GYPE: variants seen among roughly 807,000 people sequenced by gnomAD.
GYPE encodes the protein glycophorin E (MNS blood group), also known as glycophorin-E.
A neutral mutation model predicts 11.6 loss-of-function variants in GYPE; 8 were observed. That is an observed-to-expected ratio of 0.69 (90% CI 0.41 to 1.25). The LOEUF (loss-of-function observed/expected upper bound fraction) is 1.25, where lower values mean the gene tolerates loss of function less well. Ranked by LOEUF, GYPE falls within the 50% of genes most tolerant of loss-of-function variation. GYPE has a pLI of 0.01. For synonymous variants in GYPE, 28 were observed against 29.6 expected (o/e 0.94, Z 0.18); for missense variants, 90 against 92.8 (o/e 0.97, Z 0.12).
intron 1 of GYPE, among the ~76,000 whole-genome samples, chr4:143,889,903 C>A (rs1744340310): frequency 6.6e-6 from 1 of 152,140 alleles, no homozygotes; most frequent in Non-Finnish European, 1.5e-5. Flanking sequence ...ACACAGCAGC[C>A]AAGTGGCAGA....
intron 1 of GYPE, among the ~76,000 whole-genome samples, chr4:143,882,983 G>GTT (rs2149907622): frequency 6.6e-6 from 1 of 152,266 alleles, no homozygotes; most frequent in African/African-American, 2.4e-5. Flanking sequence ...AATTAGGTGA[G>GTT]TGGTATGGTT....
chr4:143,875,737 G>A (rs1046016461), intron 3 of GYPE, among the ~76,000 whole-genome samples: 1 of 152,080 alleles, frequency 6.6e-6, no homozygotes, highest in Non-Finnish European at 1.5e-5. Context: ...TGGAGGCCAA[G>A]GCAGGTGGAT....
intron 1 of GYPE, among the ~76,000 whole-genome samples, chr4:143,901,966 T>C (rs183812177): frequency 2.4e-4 from 36 of 152,226 alleles, no homozygotes; most frequent in African/African-American, 8.7e-4. Context: ...ATCTATAGAT[T>C]TGGCAACTAG....
At chr4:143,896,185 C>G (rs1281034936) in intron 1 of GYPE, among the ~76,000 whole-genome samples, 2 of 152,060 alleles carry the variant, frequency 1.3e-5, no homozygotes, top group African/African-American at 4.8e-5. Context: ...AGAGCTTCTG[C>G]ACAGCAAAAG....
rs2149901907 is a variant in GYPE at position 143,871,484 on chromosome 4, A to G, written c.*778T>C. Reference sequence around the variant, plus strand: ...TGGGGCCAGATCTCTTTGCAGGGCTATGTTAGGCTTTACACAATGTGACCC... The same window carrying G: ...TGGGGCCAGATCTCTTTGCAGGGCTGTGTTAGGCTTTACACAATGTGACCC... On this transcript the variant is annotated 3_prime_UTR_variant, in exon 4 of 4. Transcript: ENST00000358615. 1 of 152,278 alleles carries G rather than the reference A, an allele frequency of 6.6e-6. No homozygotes were observed. Among genetic ancestry groups the G allele is most frequent in the South Asian group, 2.1e-4 (1 of 4,814 alleles). 9.4% of individuals were successfully genotyped at this position (152,278 alleles called of 1,614,324 possible).
intron 1 of GYPE, among the ~76,000 whole-genome samples, chr4:143,894,359 G>A (rs1456033673): frequency 6.6e-6 from 1 of 152,140 alleles, no homozygotes; most frequent in African/African-American, 2.4e-5. Flanking sequence ...GAGAGGAACT[G>A]TGTTCCTTTG....
rs1472617031 is a variant in GYPE at position 143,871,229 on chromosome 4, A to C, written c.*1033T>G. 1 of 152,148 alleles carries C rather than the reference A, an allele frequency of 6.6e-6. No individual in the cohort carries two copies. Among genetic ancestry groups the C allele is most frequent in the African/African-American group, 2.4e-5 (1 of 41,436 alleles). The allele number at this position is 152,148 out of a possible 1,614,324, so 9.4% of individuals were successfully genotyped here. Reference sequence around the variant, plus strand: ...ACATATTGAGTGATTTCTCTCTTCTATTCAGTATTCTTCCACAGAGAGGGA... The same window carrying C: ...ACATATTGAGTGATTTCTCTCTTCTCTTCAGTATTCTTCCACAGAGAGGGA... On this transcript the variant is annotated 3_prime_UTR_variant, in exon 4 of 4. Coordinates refer to ENST00000358615, the MANE Select transcript of GYPE (RefSeq NM_198682.3).
chr4:143,883,053 A>G (rs1034800220), intron 1 of GYPE, among the ~76,000 whole-genome samples: 56 of 152,178 alleles, frequency 3.7e-4, no homozygotes, highest in African/African-American at 1.3e-3. Context: ...TTGGAGGTGG[A>G]GCCTGGTGGG....
At chr4:143,877,110 G>A (rs1298913163) in intron 2 of GYPE, among the ~76,000 whole-genome samples, 2 of 152,136 alleles carry the variant, frequency 1.3e-5, no homozygotes, top group East Asian at 1.9e-4. Flanking sequence ...TAAGACCTGA[G>A]GCTTCTGATT....
chr4:143,877,671 T>C (rs895269629), intron 2 of GYPE, among the ~76,000 whole-genome samples: 1 of 152,154 alleles, frequency 6.6e-6, no homozygotes, highest in African/African-American at 2.4e-5. Context: ...GCATTTCCTC[T>C]TGCTGGTGTT....
At chr4:143,892,381 A>T (rs1157370350) in intron 1 of GYPE, among the ~76,000 whole-genome samples, 38 of 149,462 alleles carry the variant, frequency 2.5e-4, no homozygotes, top group Admixed American at 2.5e-3. Flanking sequence ...TTGCTTTTCT[A>T]GTTCTTTTAA....
In GYPE at chr4:143,900,737, G is replaced by A. The variant is rs185134360; in HGVS notation, c.37+4734C>T. Among the ~76,000 whole-genome samples, 32 of 152,226 alleles carry A rather than the reference G, an allele frequency of 2.1e-4. 1 individual carries two copies. The East Asian group carries it at 4.8e-3, about 23-fold the overall frequency. ...AAGTGAAAGAAGCCATACACAAAAG[G>A]CTACCTATTATATGATTCCATTTAT... is the stretch of plus-strand genomic sequence containing the variant. On this transcript the variant is annotated intron_variant, in intron 1 of 3. Coordinates refer to ENST00000358615, the MANE Select transcript of GYPE (RefSeq NM_198682.3).
In GYPE at chr4:143,904,115, T is replaced by C. The variant is rs182233362; in HGVS notation, c.37+1356A>G. Among the ~76,000 whole-genome samples the C allele has an allele frequency of 6.5e-3, 995 of 152,194 alleles. 17 individuals are homozygous for C. The highest frequency in any genetic ancestry group is 0.023 in the African/African-American group (947 of 41,532). ...TAAAAAATTAGAGTAGCTATGTTTGTTTTCTGTTTTCTTTCTGTAATTTTC... is the reference window on the plus strand; with the variant it reads ...TAAAAAATTAGAGTAGCTATGTTTGCTTTCTGTTTTCTTTCTGTAATTTTC... On this transcript the variant is annotated intron_variant, in intron 1 of 3. Coordinates refer to ENST00000358615, the MANE Select transcript of GYPE (RefSeq NM_198682.3).
At chr4:143,878,384 G>A (rs1743889432) in intron 2 of GYPE, among the ~76,000 whole-genome samples, 1 of 152,176 alleles carries the variant, frequency 6.6e-6, no homozygotes, top group South Asian at 2.1e-4. Flanking sequence ...GATTAGCCAG[G>A]CTTGGCCTCT....
chr4:143,901,650 T>TC (rs1744873043), intron 1 of GYPE, among the ~76,000 whole-genome samples: 2 of 151,682 alleles, frequency 1.3e-5, no homozygotes, highest in South Asian at 2.1e-4. Context: ...GGTTTTTTTT[T>TC]TGAGCAAAAG....
At chr4:143,896,764 C>A (rs1221820469) in intron 1 of GYPE, among the ~76,000 whole-genome samples, 4 of 152,146 alleles carry the variant, frequency 2.6e-5, no homozygotes, top group African/African-American at 9.7e-5. Context: ...ACCCAAATGT[C>A]CAACAATGAT....
At chr4:143,885,220 C>T (rs933241256) in intron 1 of GYPE, among the ~76,000 whole-genome samples, 26 of 152,038 alleles carry the variant, frequency 1.7e-4, no homozygotes, top group African/African-American at 4.4e-4. Context: ...TGGGAGCTAA[C>T]ATCTCTTAAA....
chr4:143,895,619 C>A (rs1744599312), intron 1 of GYPE, among the ~76,000 whole-genome samples: 1 of 147,362 alleles, frequency 6.8e-6, no homozygotes, highest in Admixed American at 6.9e-5. Context: ...CCCCATCAAG[C>A]TACCAATGAC....
chr4:143,887,670 G>GCTTA (rs1744257751), intron 1 of GYPE, among the ~76,000 whole-genome samples: 2 of 150,952 alleles, frequency 1.3e-5, no homozygotes, highest in Admixed American at 1.3e-4. Context: ...TGATGTGGAG[G>GCTTA]CTTAGGGCAC....
Sources: gnomAD v4.1 joint callset for allele counts (sites outside exome capture counted in the v4.1 genomes callset) on GRCh38, gnomAD v4.1.1 for gene constraint, MANE v1.5 for transcripts, NCBI Gene and HGNC (gene_info 2026-07-23, HGNC 2026-07-21) for gene names.